The following ARMC8 variants were observed in gnomAD, a reference collection of about 807,000 sequenced individuals.
ARMC8 encodes the protein armadillo repeat containing 8.
ARMC8 carries 20 observed loss-of-function variants against 99.3 expected under a neutral mutation model. The observed-to-expected ratio is 0.20, with a 90% CI of 0.14 to 0.29. ARMC8 has a LOEUF of 0.29. Among genes scored for constraint, ARMC8 ranks in the 10% least tolerant of loss-of-function variants. The probability of loss-of-function intolerance (pLI) is 1.00; values close to 1 mark genes in which losing one functional copy is unlikely to be tolerated. For synonymous variants in ARMC8, 263 were observed against 278.3 expected (o/e 0.95, Z 0.55); for missense variants, 569 against 809.5 (o/e 0.70, Z 3.60).
chr3:138,213,397 A>C (rs1477264167), intron 2 of ARMC8, among the ~76,000 whole-genome samples: 1 of 152,254 alleles, frequency 6.6e-6, no homozygotes, highest in Non-Finnish European at 1.5e-5. Context: ...GTAGCACAAT[A>C]GTTAGCATAA....
chr3:138,187,258 T>TG (rs2043114409), upstream of ARMC8: 3 of 402,782 alleles, frequency 7.4e-6, no homozygotes, highest in African/African-American at 2.1e-5. Context: ...GAGCGGCAGG[T>TG]GGGGCCGGCA....
At chr3:138,279,016 T>C (rs2049602478) in intron 18 of ARMC8, among the ~76,000 whole-genome samples, 1 of 152,200 alleles carries the variant, frequency 6.6e-6, no homozygotes, top group African/African-American at 2.4e-5. Context: ...CTATATGCTA[T>C]TTTGTTTTTC....
chr3:138,209,743 G>T, intron 1 of ARMC8, 74 bp from the exon 2 acceptor site: 1 of 1,224,234 alleles, frequency 8.2e-7, no homozygotes. Context: ...CTAGTCACTT[G>T]ATATTGTGGG....
intron 1 of ARMC8, among the ~76,000 whole-genome samples, chr3:138,202,113 C>T (rs895179358): frequency 6.6e-6 from 1 of 152,114 alleles, no homozygotes. Context: ...TTTCATCTCT[C>T]CCCAAACCAG....
At chr3:138,295,651 C>A (rs960008557) in intron 21 of ARMC8, among the ~76,000 whole-genome samples, 6 of 152,382 alleles carry the variant, frequency 3.9e-5, no homozygotes, top group Admixed American at 1.3e-4. Flanking sequence ...GAGAGATCCA[C>A]AGGAAGAAGA....
chr3:138,295,532 T>C (rs1207731525), intron 21 of ARMC8, among the ~76,000 whole-genome samples: 2 of 152,220 alleles, frequency 1.3e-5, no homozygotes, highest in Non-Finnish European at 2.9e-5. Context: ...ATGTAAGACC[T>C]ATCACAACTA....
intron 5 of ARMC8, among the ~76,000 whole-genome samples, chr3:138,226,401 A>G (rs2045699987): frequency 6.6e-6 from 1 of 152,114 alleles, no homozygotes; most frequent in South Asian, 2.1e-4. Context: ...TTGAAGTTGC[A>G]CTAGTATTAC....
intron 14 of ARMC8, among the ~76,000 whole-genome samples, chr3:138,265,008 C>T (rs2048139991): frequency 6.6e-6 from 1 of 151,932 alleles, no homozygotes; most frequent in South Asian, 2.1e-4. Flanking sequence ...AGTGATTCTC[C>T]CACCTTGGCC....
rs71146118 is a variant in ARMC8, at chr3:138,205,060, C to CTTTTTTTTTTT, written c.46-4741_46-4731dup. Among the ~76,000 whole-genome samples the CTTTTTTTTTTT allele has an allele frequency of 2.1e-3, 196 of 93,232 alleles. 2 individuals are homozygous for CTTTTTTTTTTT. Among genetic ancestry groups the CTTTTTTTTTTT allele is most frequent in the African/African-American group, 2.4e-3 (55 of 22,584 alleles). 61.2% of individuals were successfully genotyped at this position (93,232 alleles called of 152,430 possible). On this transcript the variant is annotated intron_variant, in intron 1 of 21. Coordinates refer to ENST00000469044, the MANE Select transcript of ARMC8 (RefSeq NM_001363941.2). ...AACTCAGTCTCTTTTCTTTTCTTTT[C>CTTTTTTTTTTT]TTTTTTTTTTTTTTTTTTTTTTTTT...
At chr3:138,274,349 G>A (rs1220028752) in intron 17 of ARMC8, 100 bp from the exon 18 acceptor site, 7 of 738,536 alleles carry the variant, frequency 9.5e-6, no homozygotes, top group Non-Finnish European at 1.6e-5. Context: ...TGTTTTGCAT[G>A]AAGCAGTTGT....
chr3:138,208,201 C>T (rs150904491), intron 1 of ARMC8, among the ~76,000 whole-genome samples: 1 of 152,026 alleles, frequency 6.6e-6, no homozygotes, highest in Non-Finnish European at 1.5e-5. Context: ...GGCACAGTGG[C>T]TCATGCCTGT....
rs78761390 is a variant in ARMC8, at chr3:138,269,577, C to G, written c.1387-463C>G. 1.7e-3 allele frequency among the ~76,000 whole-genome samples: 261 copies of G among 152,272 alleles called. 1 individual carries two copies. The highest frequency in any genetic ancestry group is 5.9e-3 in the African/African-American group (244 of 41,556). On this transcript the variant is annotated intron_variant, in intron 15 of 21. Transcript: ENST00000469044. ...CTTGGAAGGAGGATGATTTGGTTTT[C>G]TAAGTTCCTTTATATTTCTTTCCTT...
chr3:138,268,381 C>T (rs1300994878), intron 15 of ARMC8, among the ~76,000 whole-genome samples: 1 of 152,218 alleles, frequency 6.6e-6, no homozygotes, highest in African/African-American at 2.4e-5. Flanking sequence ...GAGCTTCCAT[C>T]AGTTCTCTGC....
chr3:138,264,309 T>C, intron 14 of ARMC8, 97 bp downstream of exon 14: 1 of 893,780 alleles, frequency 1.1e-6, no homozygotes, highest in Middle Eastern at 2.5e-4. Context: ...GTATGTCTGA[T>C]TTTTGTGTAG....
At chr3:138,286,446 A>G (rs545530923) in intron 19 of ARMC8, among the ~76,000 whole-genome samples, 24 of 152,252 alleles carry the variant, frequency 1.6e-4, no homozygotes, top group African/African-American at 5.1e-4. Context: ...ACTTCAACCC[A>G]GCTGACTATT....
At chr3:138,263,571 T>G (rs1488698090) in intron 12 of ARMC8, 168 bp from the exon 13 acceptor site, 1 of 655,106 alleles carries the variant, frequency 1.5e-6, no homozygotes, top group Non-Finnish European at 2.8e-6. Context: ...TAGACCTACC[T>G]TTCTGATGAG....
chr3:138,273,298 T>G (rs2048955837), intron 17 of ARMC8, among the ~76,000 whole-genome samples, 182 bp downstream of exon 17: 2 of 152,210 alleles, frequency 1.3e-5, no homozygotes, highest in Non-Finnish European at 2.9e-5. Flanking sequence ...TGGGAGCTGC[T>G]TCACCATATC....
intron 1 of ARMC8, among the ~76,000 whole-genome samples, chr3:138,199,848 T>G (rs2107982924): frequency 6.6e-6 from 1 of 152,342 alleles, no homozygotes; most frequent in South Asian, 2.1e-4. Flanking sequence ...ATCTGAGCAG[T>G]GTACTTGGTG....
At position 138,296,958 on chromosome 3, in the gene ARMC8, T is replaced by G. The variant is rs2051546354; in HGVS notation, c.*1066T>G. ...AGGTCATCACTTCCCAGAAACAGAATACCTTGTGCTTCCTGAAACAGCATA... is the reference window on the plus strand; with the variant it reads ...AGGTCATCACTTCCCAGAAACAGAAGACCTTGTGCTTCCTGAAACAGCATA... On this transcript the variant is annotated 3_prime_UTR_variant, in exon 22 of 22. Coordinates refer to ENST00000469044, the MANE Select transcript of ARMC8 (RefSeq NM_001363941.2). 6.6e-6 allele frequency: 1 copy of G among 152,162 alleles called. No individual in the cohort carries two copies. Among genetic ancestry groups the G allele is most frequent in the Admixed American group, 6.5e-5 (1 of 15,274 alleles). The allele number at this position is 152,162 out of a possible 1,614,324, so 9.4% of individuals were successfully genotyped here.
Sources: gnomAD v4.1 joint callset for allele counts (sites outside exome capture counted in the v4.1 genomes callset) on GRCh38, gnomAD v4.1.1 for gene constraint, MANE v1.5 for transcripts, NCBI Gene and HGNC (gene_info 2026-07-23, HGNC 2026-07-21) for gene names.